BBOX1: variants seen among roughly 807,000 people sequenced by gnomAD.
The protein encoded by BBOX1 is gamma-butyrobetaine hydroxylase 1.
BBOX1 carries 35 observed loss-of-function variants against 41.6 expected under a neutral mutation model. The observed-to-expected ratio is 0.84, with a 90% CI of 0.64 to 1.11. The LOEUF is 1.11. Ranked by LOEUF, BBOX1 falls within the 50% of genes most tolerant of loss-of-function variation. BBOX1 has a pLI of 0.00. For missense variants in BBOX1, 458 were observed against 460.6 expected, an observed-to-expected ratio of 0.99 and a Z score of 0.05; for synonymous variants, 163 against 154.7, an observed-to-expected ratio of 1.05 and a Z score of -0.40.
At position 27,043,591 on chromosome 11, in the gene BBOX1, CT is replaced by C. The variant is rs377767305; in HGVS notation, c.-39+2114del. On this transcript the variant is annotated intron_variant, in intron 2 of 8. Coordinates refer to ENST00000263182, the MANE Select transcript of BBOX1 (RefSeq NM_003986.3). ...CATTTCTCCTAATGGTATCCCTCCC[CT>C]AGCCCCCTACCCCGCCACAGGCCCT... 4.3e-4 allele frequency among the ~76,000 whole-genome samples: 66 copies of C among 152,274 alleles called. No individual in the cohort carries two copies. The South Asian group carries it at 0.01, about 24-fold the overall frequency.
At chr11:27,112,507 C>G (rs1448580488) in intron 5 of BBOX1, among the ~76,000 whole-genome samples, 1 of 151,808 alleles carries the variant, frequency 6.6e-6, no homozygotes, top group East Asian at 1.9e-4. Flanking sequence ...TGCCACACAC[C>G]TACAACCCTC....
In BBOX1 at chr11:27,093,182, G is replaced by A. The variant is rs2134043132; in HGVS notation, c.349G>A (p.Gly117Ser). 1 of 1,611,882 alleles carries A rather than the reference G, an allele frequency of 6.2e-7. No individual in the cohort carries two copies. The highest frequency in any genetic ancestry group is 2.2e-5 in the East Asian group (1 of 44,804). Reference sequence around the variant, plus strand: ...TCAATTCACAGAATGCCAATACTGGGGCTCAGAGCTCCAGCTACCCACTTT... The same window carrying A: ...TCAATTCACAGAATGCCAATACTGGAGCTCAGAGCTCCAGCTACCCACTTT... ...ELFFPECQYW[G>S]SELQLPTLDF... The change falls in exon 5 of 9, where the codon GGC becomes AGC. Residue 117 changes from glycine (G) to serine (S), a missense_variant. Gly to Ser is a moderately conservative substitution (Grantham distance 56). Coordinates refer to ENST00000263182, the MANE Select transcript of BBOX1 (RefSeq NM_003986.3).
At position 27,109,371 on chromosome 11, in the gene BBOX1, C is replaced by T. The variant is rs548022232; in HGVS notation, c.534-6081C>T. On this transcript the variant is annotated intron_variant, in intron 5 of 8. Transcript: ENST00000263182. ...TATTTTCCAAATATATAAATTGAGG[C>T]TTAGAAATAATAGACAGATTGTCCA... 2.0e-4 allele frequency among the ~76,000 whole-genome samples: 31 copies of T among 151,994 alleles called. No individual in the cohort carries two copies. The Middle Eastern group carries it at 0.01, about 50-fold the overall frequency.
In BBOX1 at chr11:27,050,351, T is replaced by C. The variant is rs1851632853; in HGVS notation, c.-38-5042T>C. On this transcript the variant is annotated intron_variant, in intron 2 of 8. Coordinates refer to ENST00000263182, the MANE Select transcript of BBOX1 (RefSeq NM_003986.3). ...GCCACTCAGATTTTTTGTGGTTCCA[T>C]ACATATTTTAGAGTGCCTTTTAAAA... Among the ~76,000 whole-genome samples, 3 of 152,146 alleles carry C rather than the reference T, an allele frequency of 2.0e-5. No homozygotes were observed. The South Asian group carries it at 6.2e-4, about 31-fold the overall frequency.
chr11:27,083,103 A>C (rs1010346012), intron 4 of BBOX1, among the ~76,000 whole-genome samples: 1 of 152,156 alleles, frequency 6.6e-6, no homozygotes, highest in Non-Finnish European at 1.5e-5. Context: ...GTTACCACCT[A>C]AAGATTTTAT....
At chr11:27,078,681 A>G (rs1312287479) in intron 4 of BBOX1, among the ~76,000 whole-genome samples, 1 of 152,152 alleles carries the variant, frequency 6.6e-6, no homozygotes, top group Non-Finnish European at 1.5e-5. Flanking sequence ...CACATTTTTC[A>G]AAAAGAATTT....
intron 4 of BBOX1, among the ~76,000 whole-genome samples, chr11:27,057,813 T>A (rs1857031435): frequency 6.6e-6 from 1 of 151,766 alleles, no homozygotes; most frequent in Non-Finnish European, 1.5e-5. Flanking sequence ...TGTGTGCATG[T>A]ACACACACAT....
chr11:27,098,508 A>G (rs1241654152), intron 5 of BBOX1, among the ~76,000 whole-genome samples: 2 of 152,114 alleles, frequency 1.3e-5, no homozygotes, highest in Non-Finnish European at 2.9e-5. Flanking sequence ...CATGCATTAT[A>G]TTAATAAAAC....
rs187366383 is a variant in BBOX1 at position 27,092,455 on chromosome 11, G to A, written c.335-713G>A. Among the ~76,000 whole-genome samples the A allele has an allele frequency of 3.2e-3, 491 of 151,996 alleles. 4 individuals are homozygous for A. Among genetic ancestry groups the A allele is most frequent in the South Asian group, 0.02 (98 of 4,818 alleles). Reference sequence around the variant, plus strand: ...TGTTCCACTTCCTTTGGGAGAGCCCGGTTTGCAAGCCAATTATTTTTTACA... The same window carrying A: ...TGTTCCACTTCCTTTGGGAGAGCCCAGTTTGCAAGCCAATTATTTTTTACA... On this transcript the variant is annotated intron_variant, in intron 4 of 8. Coordinates refer to ENST00000263182, the MANE Select transcript of BBOX1 (RefSeq NM_003986.3).
intron 4 of BBOX1, among the ~76,000 whole-genome samples, chr11:27,070,655 T>G (rs1857415345): frequency 1.3e-5 from 2 of 152,010 alleles, no homozygotes; most frequent in Admixed American, 1.3e-4. Flanking sequence ...GTATGAATCC[T>G]TATGTGTTAG....
intron 7 of BBOX1, among the ~76,000 whole-genome samples, chr11:27,122,055 C>G (rs117940796): frequency 6.6e-6 from 1 of 152,068 alleles, no homozygotes; most frequent in African/African-American, 2.4e-5. Flanking sequence ...TGAAACAGAG[C>G]GTTCTCAGTT....
intron 5 of BBOX1, among the ~76,000 whole-genome samples, chr11:27,094,418 C>T (rs1348059109): frequency 6.6e-6 from 1 of 151,922 alleles, no homozygotes; most frequent in African/African-American, 2.4e-5. Context: ...TTTGGTTTGG[C>T]CCACATGATG....
At chr11:27,100,773 C>G (rs564333135) in intron 5 of BBOX1, among the ~76,000 whole-genome samples, 2 of 152,170 alleles carry the variant, frequency 1.3e-5, no homozygotes, top group East Asian at 1.9e-4. Context: ...GTCTCATGCT[C>G]TTTTAGAAAT....
At chr11:27,084,039 C>T (rs1200913705) in intron 4 of BBOX1, among the ~76,000 whole-genome samples, 1 of 152,120 alleles carries the variant, frequency 6.6e-6, no homozygotes, top group Non-Finnish European at 1.5e-5. Flanking sequence ...TCTCCCCTCT[C>T]TGCCTGAGAC....
At chr11:27,094,473 A>AT (rs1346791720) in intron 5 of BBOX1, among the ~76,000 whole-genome samples, 1 of 151,894 alleles carries the variant, frequency 6.6e-6, no homozygotes, top group Non-Finnish European at 1.5e-5. Context: ...AAACTGGGAG[A>AT]TTTTACATTA....
rs1375569520 is a variant in BBOX1, at chr11:27,041,004, G to A, written c.-326G>A. On this transcript the variant is annotated 5_prime_UTR_variant, in exon 1 of 9. Coordinates refer to ENST00000263182, the MANE Select transcript of BBOX1 (RefSeq NM_003986.3). ...TTCACTTGCTGCTGTTGCCACTGCT[G>A]GTACAGAAATAGAAGGTAAGACAGG... 1 of 152,086 alleles carries A rather than the reference G, an allele frequency of 6.6e-6. No individual in the cohort carries two copies. The highest frequency in any genetic ancestry group is 1.5e-5 in the Non-Finnish European group (1 of 68,044). 9.4% of individuals were successfully genotyped at this position (152,086 alleles called of 1,614,324 possible). A position where few individuals can be genotyped will look rare whatever the true frequency, so the allele number is the denominator to read the frequency against.
rs1199672744 is a variant in BBOX1 at position 27,040,986 on chromosome 11, G to C, written c.-344G>C. On this transcript the variant is annotated 5_prime_UTR_variant, in exon 1 of 9. Coordinates refer to ENST00000263182, the MANE Select transcript of BBOX1 (RefSeq NM_003986.3). Reference sequence around the variant, plus strand: ...AAAGAAGTGAACTGCTTGTTCACTTGCTGCTGTTGCCACTGCTGGTACAGA... The same window carrying C: ...AAAGAAGTGAACTGCTTGTTCACTTCCTGCTGTTGCCACTGCTGGTACAGA... 2 of 152,142 alleles carry C rather than the reference G, an allele frequency of 1.3e-5. No individual in the cohort carries two copies. Among genetic ancestry groups the C allele is most frequent in the Admixed American group, 6.6e-5 (1 of 15,264 alleles). 9.4% of individuals were successfully genotyped at this position (152,142 alleles called of 1,614,324 possible). A position where few individuals can be genotyped will look rare whatever the true frequency, so the allele number is the denominator to read the frequency against.
At chr11:27,124,044 G>T (rs140233703) in intron 7 of BBOX1, among the ~76,000 whole-genome samples, 9 of 152,200 alleles carry the variant, frequency 5.9e-5, no homozygotes, top group Non-Finnish European at 1.2e-4. Context: ...TTGCCGTTTG[G>T]CTCAGAGCCA....
rs541276285 is a variant in BBOX1, at chr11:27,106,791, C to T, written c.534-8661C>T. On this transcript the variant is annotated intron_variant, in intron 5 of 8. Coordinates refer to ENST00000263182, the MANE Select transcript of BBOX1 (RefSeq NM_003986.3). ...CCAAATCAACAGAATATACATTCTT[C>T]TCAGCACCACATCGCACTTACTCCA... Among the ~76,000 whole-genome samples, 4 of 152,228 alleles carry T rather than the reference C, an allele frequency of 2.6e-5. No homozygotes were observed. The South Asian group carries it at 8.3e-4, about 32-fold the overall frequency.
Sources: gnomAD v4.1 joint callset for allele counts (sites outside exome capture counted in the v4.1 genomes callset) on GRCh38, gnomAD v4.1.1 for gene constraint, MANE v1.5 for transcripts, NCBI Gene and HGNC (gene_info 2026-07-23, HGNC 2026-07-21) for gene names.